PHF20: variants seen among roughly 807,000 people sequenced by gnomAD.
PHF20 encodes PHD finger protein 20.
PHF20 carries 23 observed loss-of-function variants against 113.5 expected under a neutral mutation model. The ratio of observed to expected loss-of-function variants is 0.20; its 90% CI spans 0.15 to 0.29. PHF20 has a LOEUF of 0.29. Ranked by LOEUF, PHF20 falls within the 10% of genes least tolerant of loss-of-function variation. PHF20 has a pLI of 1.00. For missense variants in PHF20, 943 were observed against 1,219.6 expected, an observed-to-expected ratio of 0.77 and a Z score of 3.38; for synonymous variants, 434 against 457.3, an observed-to-expected ratio of 0.95 and a Z score of 0.65.
intron 1 of PHF20, among the ~76,000 whole-genome samples, chr20:35,790,279 C>T (rs2041518618): frequency 1.3e-5 from 2 of 152,040 alleles, no homozygotes; most frequent in South Asian, 4.1e-4. Flanking sequence ...CGGCTCACTG[C>T]AACCTCTGCC....
intron 9 of PHF20, among the ~76,000 whole-genome samples, chr20:35,891,942 T>G (rs1477043968): frequency 6.6e-6 from 1 of 152,078 alleles, no homozygotes; most frequent in Admixed American, 6.5e-5. Flanking sequence ...CAATCTTGGC[T>G]CACTGCAACC....
At position 35,913,231 on chromosome 20, in the gene PHF20, A is replaced by G. The variant is rs1200196200; in HGVS notation, c.1562-18A>G. On this transcript the variant is annotated intron_variant, in intron 10 of 17. Transcript: ENST00000374012. ...GAAAACAAAATGTTAAAATGCCAAC[A>G]TTTGTGTTTAATTCTAGCTACAAAA... 3 of 1,556,936 alleles carry G rather than the reference A, an allele frequency of 1.9e-6. No homozygotes were observed. Among genetic ancestry groups the G allele is most frequent in the Non-Finnish European group, 2.7e-6 (3 of 1,131,872 alleles).
intron 9 of PHF20, among the ~76,000 whole-genome samples, chr20:35,896,784 A>G (rs1249288492): frequency 4.9e-5 from 7 of 143,390 alleles, no homozygotes; most frequent in Non-Finnish European, 1.1e-4. Flanking sequence ...CTGGACAAAG[A>G]GCAAGACTCC....
chr20:35,824,082 A>G (rs1016059398), intron 2 of PHF20, among the ~76,000 whole-genome samples: 2 of 152,188 alleles, frequency 1.3e-5, no homozygotes, highest in African/African-American at 4.8e-5. Flanking sequence ...TTGGATAAAT[A>G]CCAGCGAGCT....
chr20:35,789,853 C>G (rs867734241), intron 1 of PHF20, among the ~76,000 whole-genome samples: 152 of 73,306 alleles, frequency 2.1e-3, no homozygotes, highest in Non-Finnish European at 3.2e-3. Flanking sequence ...GCCCCCGCCC[C>G]CCCCCCCCCC....
chr20:35,791,232 T>G (rs1045985398), intron 1 of PHF20, among the ~76,000 whole-genome samples: 1 of 152,064 alleles, frequency 6.6e-6, no homozygotes, highest in African/African-American at 2.4e-5. Context: ...GTGATGAAGA[T>G]TGGCAACAGT....
At chr20:35,945,262 G>T (rs2056065193) in intron 17 of PHF20, among the ~76,000 whole-genome samples, 5 of 152,106 alleles carry the variant, frequency 3.3e-5, no homozygotes. Context: ...TGAGTGTTAG[G>T]GATATAGTGG....
At position 35,852,934 on chromosome 20, in the gene PHF20, A is replaced by C. The variant is rs187515606; in HGVS notation, c.341-5368A>C. Among the ~76,000 whole-genome samples, 787 of 149,164 alleles carry C rather than the reference A, an allele frequency of 5.3e-3. 9 individuals are homozygous for C. Among genetic ancestry groups the C allele is most frequent in the African/African-American group, 0.019 (755 of 40,774 alleles). On this transcript the variant is annotated intron_variant, in intron 4 of 17. Transcript: ENST00000374012. ...TTTTCCTTTTTTTTTTTTTCTAAAA[A>C]GGGCCAGTCCAGGCGTGGTGGCTGA...
intron 9 of PHF20, among the ~76,000 whole-genome samples, chr20:35,893,832 T>A (rs2054925885): frequency 6.6e-6 from 1 of 152,134 alleles, no homozygotes; most frequent in East Asian, 1.9e-4. Context: ...GCCAGGCTGG[T>A]CTTGAACTCC....
intron 14 of PHF20, among the ~76,000 whole-genome samples, chr20:35,929,814 T>A (rs929442648): frequency 6.6e-6 from 1 of 152,266 alleles, no homozygotes; most frequent in African/African-American, 2.4e-5. Flanking sequence ...AGACTGACTC[T>A]GCAGAGGGCT....
intron 1 of PHF20, among the ~76,000 whole-genome samples, chr20:35,783,002 C>T (rs2041332212): frequency 6.6e-6 from 1 of 152,002 alleles, no homozygotes; most frequent in Non-Finnish European, 1.5e-5. Flanking sequence ...GAGACCAGTC[C>T]TGGCCACAGA....
chr20:35,910,012 G>T (rs972506183), intron 10 of PHF20, among the ~76,000 whole-genome samples: 1 of 152,186 alleles, frequency 6.6e-6, no homozygotes, highest in Non-Finnish European at 1.5e-5. Context: ...TGGTTTCCTT[G>T]CACACAAGTG....
intron 4 of PHF20, among the ~76,000 whole-genome samples, chr20:35,857,578 T>TTTG (rs2042858942): frequency 7.0e-6 from 1 of 142,470 alleles, no homozygotes; most frequent in Admixed American, 7.1e-5. Flanking sequence ...TTTTTTTTTT[T>TTTG]TTTTTTTTGT....
chr20:35,932,305 G>A (rs1041462093), intron 15 of PHF20, among the ~76,000 whole-genome samples: 1 of 151,642 alleles, frequency 6.6e-6, no homozygotes, highest in Non-Finnish European at 1.5e-5. Flanking sequence ...CTGACCTCAA[G>A]TGATCCACCC....
intron 15 of PHF20, among the ~76,000 whole-genome samples, chr20:35,936,062 G>T (rs1298727324): frequency 6.6e-6 from 1 of 152,222 alleles, no homozygotes; most frequent in African/African-American, 2.4e-5. Context: ...CTTGCGAGAA[G>T]TAGCACCTTC....
At chr20:35,850,784 A>G in intron 4 of PHF20, 1 of 718,758 alleles carries the variant, frequency 1.4e-6, no homozygotes, top group Non-Finnish European at 2.4e-6. Flanking sequence ...AAGTGGGTCC[A>G]CTAGCTAATA....
chr20:35,842,764 AGTTCT>A lies in PHF20; in HGVS notation c.255+23_255+27del, dbSNP rs754430706. 6.2e-7 allele frequency: 1 copy of A among 1,608,406 alleles called. No individual in the cohort carries two copies. Among genetic ancestry groups the A allele is most frequent in the East Asian group, 2.2e-5 (1 of 44,830 alleles). On this transcript the variant is annotated intron_variant, in intron 3 of 17. Coordinates refer to ENST00000374012, the MANE Select transcript of PHF20 (RefSeq NM_016436.5). ...TCTTCTGTGAGTAACAAATCTGGGA[AGTTCT>A]GTAGTATGCAAGGTCAGCCATTGGG...
chr20:35,842,479 C>T, intron 2 of PHF20, 94 bp from the exon 3 acceptor site: 6 of 1,147,466 alleles, frequency 5.2e-6, no homozygotes, highest in Middle Eastern at 4.9e-4. Context: ...GTAACCTTCT[C>T]CTTTGGGAAG....
chr20:35,808,148 T>A (rs2041916584), intron 2 of PHF20, among the ~76,000 whole-genome samples: 1 of 152,218 alleles, frequency 6.6e-6, no homozygotes, highest in Non-Finnish European at 1.5e-5. Flanking sequence ...ATGGTTCTTT[T>A]GGATTTTCTA....
Sources: gnomAD v4.1 joint callset for allele counts (sites outside exome capture counted in the v4.1 genomes callset) on GRCh38, gnomAD v4.1.1 for gene constraint, MANE v1.5 for transcripts, NCBI Gene and HGNC (gene_info 2026-07-23, HGNC 2026-07-21) for gene names.